The following ABR variants were observed in gnomAD, a reference collection of about 807,000 sequenced individuals.
ABR encodes the protein active breakpoint cluster region-related protein.
In ABR, 35 loss-of-function variants were observed where a neutral mutation model predicts 107.2. The ratio of observed to expected loss-of-function variants is 0.33; its 90% confidence interval spans 0.25 to 0.43. The LOEUF (loss-of-function observed/expected upper bound fraction) is 0.43, where lower values mean the gene tolerates loss of function less well. Among genes scored for constraint, ABR ranks in the 20% least tolerant of loss-of-function variants. The probability of loss-of-function intolerance (pLI) is 1.00; values close to 1 mark genes in which losing one functional copy is unlikely to be tolerated. For synonymous variants in ABR, 498 were observed against 462.0 expected, an observed-to-expected ratio of 1.08 and a Z score of -1.00; for missense variants, 815 against 1,115.2, an observed-to-expected ratio of 0.73 and a Z score of 3.83.
At chr17:1,066,759 C>T (rs2034784879) in intron 10 of ABR, among the ~76,000 whole-genome samples, 1 of 152,120 alleles carries the variant, frequency 6.6e-6, no homozygotes, top group African/African-American at 2.4e-5. Flanking sequence ...GAACTCCTGG[C>T]CTCAGGTGAT....
chr17:1,017,288 C>G (rs188678692), intron 16 of ABR, among the ~76,000 whole-genome samples: 2 of 152,138 alleles, frequency 1.3e-5, no homozygotes, highest in African/African-American at 4.8e-5. Context: ...GCAAACCCTC[C>G]TGGATCACAC....
chr17:1,218,701 C>T (rs896544164), intron 1 of ABR, among the ~76,000 whole-genome samples: 1 of 152,160 alleles, frequency 6.6e-6, no homozygotes. Context: ...GTCAGCTGTC[C>T]CCAAATTACA....
chr17:1,121,806 C>T lies in ABR; in HGVS notation c.246+3377G>A, dbSNP rs999645578. ...GCTGCTCACAGTGGGGCCTCCTCCC[C>T]ACTACCTTTCAGGGGAGTTAGAGCT... On this transcript the variant is annotated intron_variant, in intron 2 of 22. Coordinates refer to ENST00000302538, the MANE Select transcript of ABR (RefSeq NM_021962.5). 2.6e-5 allele frequency among the ~76,000 whole-genome samples: 4 copies of T among 152,176 alleles called. 1 individual carries two copies. The highest frequency in any genetic ancestry group is 5.9e-5 in the Non-Finnish European group (4 of 68,022).
chr17:1,128,620 C>G (rs1597914336), intron 1 of ABR, among the ~76,000 whole-genome samples: 2 of 152,228 alleles, frequency 1.3e-5, no homozygotes, highest in Non-Finnish European at 2.9e-5. Flanking sequence ...GTTCCTCCTT[C>G]TGTTGCTGGT....
rs752467321 is a variant in ABR at position 1,006,104 on chromosome 17, T to C, written c.2556A>G (p.Thr852=). 7 of 1,579,266 alleles carry C rather than the reference T, an allele frequency of 4.4e-6. No homozygotes were observed. The South Asian group carries it at 4.6e-5, about 10-fold the overall frequency. The change falls in exon 23 of 23, where the codon ACA becomes ACG. Residue 852 remains threonine, a synonymous_variant. Transcript: ENST00000302538. ...GCTACACGTCGGTGGAGAAGTACAGTGTGTTCCGCTTGAGTTCTGCGAAGG... is the reference window on the plus strand; with the variant it reads ...GCTACACGTCGGTGGAGAAGTACAGCGTGTTCCGCTTGAGTTCTGCGAAGG... ...PISFAELKRN[T]LYFSTDV
chr17:1,187,614 G>C (rs1036915350), upstream of ABR, among the ~76,000 whole-genome samples: 7 of 152,190 alleles, frequency 4.6e-5, no homozygotes, highest in East Asian at 9.6e-4. Flanking sequence ...AATGGGCCGG[G>C]TGTGGCAGCT....
intron 16 of ABR, among the ~76,000 whole-genome samples, chr17:1,047,144 CCCT>C (rs1217958495): frequency 6.6e-6 from 1 of 152,222 alleles, no homozygotes; most frequent in African/African-American, 2.4e-5. Context: ...TCAGAGACTG[CCCT>C]CCTCCTCCTG....
intron 16 of ABR, among the ~76,000 whole-genome samples, chr17:1,015,958 A>G (rs1457472848): frequency 1.3e-5 from 2 of 152,174 alleles, no homozygotes; most frequent in African/African-American, 2.4e-5. Flanking sequence ...TGTGGCTCCC[A>G]GCCACAGGAC....
At chr17:1,176,724 A>G in intron 1 of ABR, among the ~76,000 whole-genome samples, 1 of 152,030 alleles carries the variant, frequency 6.6e-6, no homozygotes, top group Non-Finnish European at 1.5e-5. Context: ...GCAGGCGCCC[A>G]TAATCCCAGC....
chr17:1,192,196 C>T (rs1174339006), upstream of ABR, among the ~76,000 whole-genome samples: 7 of 151,968 alleles, frequency 4.6e-5, no homozygotes, highest in African/African-American at 1.7e-4. Context: ...AGGCTGGTCT[C>T]GAACTCGTAG....
chr17:1,105,810 G>C (rs1348671219), intron 2 of ABR, among the ~76,000 whole-genome samples: 6 of 152,018 alleles, frequency 3.9e-5, no homozygotes, highest in African/African-American at 7.2e-5. Context: ...AGGCCACAGA[G>C]AGCCATGATT....
intron 16 of ABR, among the ~76,000 whole-genome samples, chr17:1,015,046 A>G (rs1398275286): frequency 6.6e-6 from 1 of 152,194 alleles, no homozygotes; most frequent in Non-Finnish European, 1.5e-5. Flanking sequence ...ATTGAAAACA[A>G]AAATTTCCAG....
At chr17:1,153,474 G>A (rs4994937) in intron 1 of ABR, among the ~76,000 whole-genome samples, 6,987 of 67,206 alleles carry the variant, frequency 0.1, 30 homozygotes, top group Middle Eastern at 0.16. Flanking sequence ...AGGGCTGGGG[G>A]TCCAGGCACA....
chr17:1,178,833 A>C (rs11651841), intron 1 of ABR, among the ~76,000 whole-genome samples: 51,158 of 141,618 alleles, frequency 0.36, 9,195 homozygotes, highest in Middle Eastern at 0.45. Context: ...CTTTCTAGCA[A>C]CGGAGCAGGA....
Position 1,148,486 on chromosome 17 carries a change from G to C in ABR, c.62-23119C>G, listed in dbSNP as rs569345186. 9.2e-5 allele frequency among the ~76,000 whole-genome samples: 14 copies of C among 152,318 alleles called. No individual in the cohort carries two copies. Among genetic ancestry groups the C allele is most frequent in the African/African-American group, 2.6e-4 (11 of 41,576 alleles). On this transcript the variant is annotated intron_variant, in intron 1 of 22. Transcript: ENST00000302538. This position sits in a 1 kb window ranked among gnomAD's most constrained non-coding sequence, Gnocchi z 4.9. ...ATACAGGGGTCCCCAGCCCCCCCGG[G>C]CATGGACCGGCACCAGTCCGTGGCC...
intron 1 of ABR, among the ~76,000 whole-genome samples, chr17:1,171,785 G>T (rs1256898483): frequency 1.3e-5 from 2 of 152,164 alleles, no homozygotes; most frequent in African/African-American, 4.8e-5. Flanking sequence ...TACAAAATTA[G>T]CCGGGCGTGG....
intron 10 of ABR, 148 bp from the exon 11 acceptor site, chr17:1,059,015 G>T: frequency 8.2e-7 from 1 of 1,213,298 alleles, no homozygotes; most frequent in South Asian, 1.5e-5. Context: ...AGGAGAGGCG[G>T]GTAGCTGGGT....
intron 1 of ABR, among the ~76,000 whole-genome samples, chr17:1,137,005 TC>T (rs1482457912): frequency 1.2e-4 from 1 of 8,340 alleles, no homozygotes; most frequent in Non-Finnish European, 4.5e-3. Flanking sequence ...CTAAATCATT[TC>T]TTTTTTCTCT....
intron 1 of ABR, among the ~76,000 whole-genome samples, chr17:1,176,468 G>A (rs1233788521): frequency 6.6e-6 from 1 of 152,168 alleles, no homozygotes; most frequent in Admixed American, 6.5e-5. Context: ...GTGATCTTAG[G>A]TCTATGATTT....
Sources: gnomAD v4.1 joint callset for allele counts (sites outside exome capture counted in the v4.1 genomes callset) on GRCh38, gnomAD v4.1.1 for gene constraint, Gnocchi (gnomAD v3.1) non-coding constraint, MANE v1.5 for transcripts, NCBI Gene and HGNC (gene_info 2026-07-23, HGNC 2026-07-21) for gene names.